The following LRP1B variants were observed in gnomAD, a reference collection of about 807,000 sequenced individuals.
The protein encoded by LRP1B is low-density lipoprotein receptor-related protein 1B.
A neutral mutation model predicts 556.6 loss-of-function variants in LRP1B; 217 were observed. That is an observed-to-expected ratio of 0.39 (90% confidence interval 0.35 to 0.44). LRP1B has a LOEUF of 0.44. Among genes scored for constraint, LRP1B ranks in the 20% least tolerant of loss-of-function variants. The pLI is 1.00. For missense variants in LRP1B, 5,053 were observed against 5,620.8 expected (o/e 0.90, Z 3.23); for synonymous variants, 2,047 against 1,865.8 (o/e 1.10, Z -2.50).
intron 43 of LRP1B, among the ~76,000 whole-genome samples, chr2:140,559,958 T>C (rs1680870749): frequency 6.6e-6 from 1 of 152,106 alleles, no homozygotes; most frequent in Non-Finnish European, 1.5e-5. Context: ...ATTACAATAT[T>C]TACATAGTTT....
chr2:141,864,660 T>A (rs539367616), intron 1 of LRP1B, among the ~76,000 whole-genome samples: 2 of 151,670 alleles, frequency 1.3e-5, no homozygotes, highest in African/African-American at 4.8e-5. Context: ...GGCAGGCAGA[T>A]CACGAGGTCA....
chr2:140,332,193 A>C, intron 79 of LRP1B, among the ~76,000 whole-genome samples: 1 of 151,992 alleles, frequency 6.6e-6, no homozygotes, highest in South Asian at 2.1e-4. Context: ...CTTTTCACAC[A>C]GTTTTTCTTT....
chr2:140,989,792 C>T, intron 16 of LRP1B, 135 bp from the exon 17 acceptor site: 1 of 739,688 alleles, frequency 1.4e-6, no homozygotes, highest in Non-Finnish European at 2.1e-6. Flanking sequence ...CATTCATTGC[C>T]TTATATTTAA....
intron 66 of LRP1B, among the ~76,000 whole-genome samples, chr2:140,441,087 A>G (rs902804222): frequency 1.3e-5 from 2 of 152,150 alleles, no homozygotes; most frequent in African/African-American, 4.8e-5. Flanking sequence ...TTCTCGGGCC[A>G]TATGGTTACC....
chr2:141,011,175 C>G (rs1411031173), intron 14 of LRP1B, among the ~76,000 whole-genome samples: 1 of 146,808 alleles, frequency 6.8e-6, no homozygotes, highest in Non-Finnish European at 1.5e-5. Context: ...ATTTGATTTT[C>G]TCTTCAATTG....
At chr2:141,941,463 G>A (rs1700800910) in intron 1 of LRP1B, among the ~76,000 whole-genome samples, 1 of 152,186 alleles carries the variant, frequency 6.6e-6, no homozygotes, top group Non-Finnish European at 1.5e-5. Context: ...CCTGCTGCTG[G>A]GAAAGCTTGA....
intron 2 of LRP1B, among the ~76,000 whole-genome samples, chr2:141,646,972 A>G (rs886887926): frequency 5.3e-5 from 8 of 152,122 alleles, no homozygotes; most frequent in Admixed American, 1.3e-4. Context: ...TGATTTTAAT[A>G]TAGCTGTTTC....
chr2:141,335,762 T>A (rs1687825727), intron 3 of LRP1B, among the ~76,000 whole-genome samples: 1 of 152,170 alleles, frequency 6.6e-6, no homozygotes, highest in African/African-American at 2.4e-5. Context: ...TTCTATGAAC[T>A]TTTTAGGAAG....
intron 1 of LRP1B, among the ~76,000 whole-genome samples, chr2:141,978,996 G>A (rs1701968405): frequency 6.6e-6 from 1 of 151,730 alleles, no homozygotes; most frequent in African/African-American, 2.4e-5. Context: ...AAACAGGTAA[G>A]TCTGGCAAAC....
chr2:140,685,840 CA>C (rs2105387679), intron 41 of LRP1B, among the ~76,000 whole-genome samples: 1 of 152,238 alleles, frequency 6.6e-6, no homozygotes, highest in Admixed American at 6.5e-5. Flanking sequence ...AACCACTTAA[CA>C]TATCTTTGGG....
chr2:141,476,248 A>G (rs1253398620), intron 3 of LRP1B, among the ~76,000 whole-genome samples: 1 of 152,208 alleles, frequency 6.6e-6, no homozygotes, highest in East Asian at 1.9e-4. Context: ...AACATAATAA[A>G]TTATCTTAAG....
At chr2:141,043,164 C>A (rs1292205473) in intron 11 of LRP1B, among the ~76,000 whole-genome samples, 1 of 150,672 alleles carries the variant, frequency 6.6e-6, no homozygotes, top group Non-Finnish European at 1.5e-5. Flanking sequence ...GATCACACCA[C>A]TGCACTCCAG....
At position 140,841,051 on chromosome 2, in the gene LRP1B, G is replaced by A. The variant is rs150231464; in HGVS notation, c.4981C>T (p.Arg1661Cys). 97 of 1,612,498 alleles carry A rather than the reference G, an allele frequency of 6.0e-5. No individual in the cohort carries two copies. The highest frequency in any genetic ancestry group is 7.1e-5 in the Non-Finnish European group (84 of 1,179,152). Residue 1661 changes from arginine to cysteine, a missense_variant, in exon 30 of 91, where the codon CGT (arginine) becomes TGT (cysteine). Physicochemically the swap from Arg to Cys is radical, Grantham distance 180. Transcript: ENST00000389484. ...IRGLAVDWVS[R>C]NLYWISSEFD... ...TCTGAGCTAATCCAGTATAAATTAC[G>A]TGACACCCAATCCACTGCTAGCCCT...
chr2:141,031,284 CAT>C (rs1553448804), intron 11 of LRP1B, among the ~76,000 whole-genome samples: 10 of 145,540 alleles, frequency 6.9e-5, no homozygotes, highest in African/African-American at 1.5e-4. Context: ...CACACACATA[CAT>C]ACATATATAT....
intron 4 of LRP1B, among the ~76,000 whole-genome samples, chr2:141,253,769 T>TAC (rs149458676): frequency 3.3e-5 from 5 of 151,204 alleles, no homozygotes; most frequent in South Asian, 4.2e-4. Context: ...ATCCCCTGAA[T>TAC]ACACACACAC....
intron 79 of LRP1B, among the ~76,000 whole-genome samples, chr2:140,329,599 C>T (rs1012525400): frequency 9.9e-5 from 15 of 151,816 alleles, no homozygotes; most frequent in Non-Finnish European, 1.5e-4. Context: ...TATACACCAA[C>T]AATAGGCAAG....
intron 2 of LRP1B, among the ~76,000 whole-genome samples, chr2:141,599,232 T>C (rs545901919): frequency 7.2e-5 from 11 of 152,090 alleles, no homozygotes; most frequent in African/African-American, 2.4e-4. Flanking sequence ...GTCTGGGAAA[T>C]TGAAAAACAG....
intron 2 of LRP1B, among the ~76,000 whole-genome samples, chr2:141,484,186 G>T (rs1218371691): frequency 6.8e-6 from 1 of 146,598 alleles, no homozygotes; most frequent in Non-Finnish European, 1.5e-5. Context: ...CATATGGCTA[G>T]CCAGTTTTCC....
intron 1 of LRP1B, among the ~76,000 whole-genome samples, chr2:141,847,813 C>A (rs1331496209): frequency 1.3e-5 from 2 of 151,290 alleles, no homozygotes; most frequent in Non-Finnish European, 3.0e-5. Context: ...AGGTTTGAAA[C>A]CTTAAAAAAT....
Sources: allele counts gnomAD v4.1 joint callset (sites outside exome capture counted in the v4.1 genomes callset), GRCh38; gene constraint gnomAD v4.1.1; transcripts MANE v1.5; gene names NCBI Gene and HGNC (gene_info 2026-07-23, HGNC 2026-07-21).